The following CDH18 variants were observed in gnomAD, a reference collection of about 807,000 sequenced individuals.
CDH18 encodes the protein cadherin 18.
Under a neutral mutation model 67.9 loss-of-function variants are expected in CDH18, and 31 were observed. That is an observed-to-expected ratio of 0.46 (90% CI 0.34 to 0.62). The LOEUF (loss-of-function observed/expected upper bound fraction) is 0.62, where lower values mean the gene tolerates loss of function less well. Ranked by LOEUF, CDH18 falls within the 20% of genes least tolerant of loss-of-function variation. CDH18 has a pLI of 0.01. For synonymous variants in CDH18, 362 were observed against 347.2 expected (o/e 1.04, Z -0.48); for missense variants, 890 against 975.5 (o/e 0.91, Z 1.17).
At chr5:20,317,447 A>C (rs1266141131) in intron 1 of CDH18, among the ~76,000 whole-genome samples, 1 of 152,132 alleles carries the variant, frequency 6.6e-6, no homozygotes, top group African/African-American at 2.4e-5. Flanking sequence ...CTGGCTTTTG[A>C]AGAGAAACAA....
chr5:20,347,134 G>T (rs552501830), intron 1 of CDH18, among the ~76,000 whole-genome samples: 1 of 152,250 alleles, frequency 6.6e-6, no homozygotes, highest in South Asian at 2.1e-4. Context: ...CAATGACATG[G>T]TTCCCCCACT....
chr5:19,531,684 C>G (rs992337337), intron 9 of CDH18, among the ~76,000 whole-genome samples: 4 of 151,972 alleles, frequency 2.6e-5, no homozygotes, highest in African/African-American at 9.7e-5. Context: ...GTAATCCCAG[C>G]ACTTAGGGAG....
intron 1 of CDH18, among the ~76,000 whole-genome samples, chr5:20,478,692 G>T (rs547752694): frequency 6.6e-6 from 1 of 151,934 alleles, no homozygotes; most frequent in Admixed American, 6.6e-5. Context: ...CACCCTGAAG[G>T]GTAGGACACA....
intron 7 of CDH18, among the ~76,000 whole-genome samples, chr5:19,576,222 C>G (rs1192313669): frequency 1.3e-5 from 2 of 151,768 alleles, no homozygotes; most frequent in Non-Finnish European, 2.9e-5. Flanking sequence ...AAAAAATAGG[C>G]AAAGTAAGCA....
At chr5:20,423,124 T>C (rs1282168332) in intron 1 of CDH18, among the ~76,000 whole-genome samples, 2 of 151,252 alleles carry the variant, frequency 1.3e-5, no homozygotes, top group African/African-American at 4.9e-5. Context: ...TGAATGGACG[T>C]CTGTGCACTG....
At chr5:20,088,746 A>G (rs1275585593) in intron 2 of CDH18, among the ~76,000 whole-genome samples, 1 of 152,156 alleles carries the variant, frequency 6.6e-6, no homozygotes, top group Non-Finnish European at 1.5e-5. Flanking sequence ...TATATTTTGT[A>G]GCTGAAAGCA....
chr5:19,668,476 A>C (rs1758280780), intron 5 of CDH18, among the ~76,000 whole-genome samples: 1 of 152,090 alleles, frequency 6.6e-6, no homozygotes, highest in African/African-American at 2.4e-5. Flanking sequence ...ATAGGAATTT[A>C]AAATGTAAAT....
intron 2 of CDH18, among the ~76,000 whole-genome samples, chr5:20,100,279 T>C (rs1746342992): frequency 6.6e-6 from 1 of 152,154 alleles, no homozygotes; most frequent in Non-Finnish European, 1.5e-5. Flanking sequence ...ATTTATCTAA[T>C]ATACCATATT....
chr5:20,115,803 G>T (rs1747861151), intron 2 of CDH18, among the ~76,000 whole-genome samples: 1 of 152,092 alleles, frequency 6.6e-6, no homozygotes, highest in South Asian at 2.1e-4. Context: ...GAGAAAAAAT[G>T]TGATGCTGCT....
In CDH18 at chr5:20,042,139, G is replaced by C. The variant is rs76621081; in HGVS notation, c.-517-50125C>G. Among the ~76,000 whole-genome samples the C allele has an allele frequency of 6.6e-3, 1,006 of 152,288 alleles. 14 individuals carry two copies. The highest frequency in any genetic ancestry group is 0.023 in the African/African-American group (962 of 41,544). ...AAGCCAAATGATGCTTCCGCCAGCT[G>C]AGAGTACCTTTTTTGCTTAATCATG... On this transcript the variant is annotated intron_variant, in intron 2 of 14. Transcript: ENST00000507958.
intron 2 of CDH18, among the ~76,000 whole-genome samples, chr5:19,858,530 T>G (rs2149965984): frequency 1.3e-5 from 2 of 152,290 alleles, no homozygotes; most frequent in Middle Eastern, 6.8e-3. Context: ...TATGTTTTAG[T>G]TTTTTTCCTC....
In CDH18 at chr5:19,635,103, C is replaced by A. The variant is rs1026343230; in HGVS notation, c.644-22502G>T. Among the ~76,000 whole-genome samples the A allele has an allele frequency of 2.6e-5, 4 of 152,114 alleles. No individual in the cohort carries two copies. In the South Asian group the frequency reaches 6.2e-4, roughly 24 times the overall value. ...GTTTACACATTATTACTAATTTACT[C>A]ATGAGAACAAAGACAAAGAAAATCA... On this transcript the variant is annotated intron_variant, in intron 5 of 12. Transcript: ENST00000382275.
intron 1 of CDH18, among the ~76,000 whole-genome samples, chr5:20,537,343 T>C (rs1756783241): frequency 6.6e-6 from 1 of 152,176 alleles, no homozygotes; most frequent in African/African-American, 2.4e-5. Flanking sequence ...CAGAGGTACA[T>C]CTTGTAAATA....
At chr5:19,476,759 G>A (rs985358121) in intron 12 of CDH18, among the ~76,000 whole-genome samples, 1 of 152,110 alleles carries the variant, frequency 6.6e-6, no homozygotes, top group Non-Finnish European at 1.5e-5. Flanking sequence ...GGTGGTTGAT[G>A]TCAAGGGAAT....
intron 1 of CDH18, among the ~76,000 whole-genome samples, chr5:20,497,293 TA>T (rs1753970122): frequency 6.6e-6 from 1 of 152,142 alleles, no homozygotes; most frequent in Non-Finnish European, 1.5e-5. Context: ...AGAACAAATT[TA>T]AAATATATCA....
intron 2 of CDH18, among the ~76,000 whole-genome samples, chr5:20,131,524 A>C (rs1749264589): frequency 6.6e-6 from 1 of 152,164 alleles, no homozygotes; most frequent in Admixed American, 6.5e-5. Flanking sequence ...AAAGCAAAAC[A>C]AATTGCAGGT....
intron 5 of CDH18, among the ~76,000 whole-genome samples, chr5:19,642,521 C>T (rs941402222): frequency 6.6e-6 from 1 of 151,942 alleles, no homozygotes; most frequent in African/African-American, 2.4e-5. Context: ...TAAAGAAATT[C>T]AGTGATCTAC....
intron 1 of CDH18, among the ~76,000 whole-genome samples, chr5:20,552,439 T>C (rs1757682907): frequency 6.6e-6 from 1 of 152,150 alleles, no homozygotes; most frequent in Admixed American, 6.5e-5. Context: ...ACCATGCCAC[T>C]GTACTCCAGT....
intron 12 of CDH18, among the ~76,000 whole-genome samples, chr5:19,482,348 C>T (rs547215883): frequency 6.6e-6 from 1 of 152,176 alleles, no homozygotes; most frequent in South Asian, 2.1e-4. Context: ...GATCTCCTGA[C>T]TTCGTGATCC....
Sources: gnomAD v4.1 joint callset for allele counts (sites outside exome capture counted in the v4.1 genomes callset) on GRCh38, gnomAD v4.1.1 for gene constraint, MANE v1.5 for transcripts, NCBI Gene and HGNC (gene_info 2026-07-23, HGNC 2026-07-21) for gene names.